The following GPR39 variants were observed in gnomAD, a reference collection of about 807,000 sequenced individuals.
The protein encoded by GPR39 is G protein-coupled receptor 39, also known as zinc sensing receptor.
GPR39 carries 23 observed loss-of-function variants against 18.4 expected under a neutral mutation model. The observed-to-expected ratio is 1.25, with a 90% CI of 0.90 to 1.77. GPR39 has a LOEUF of 1.77. GPR39 is among the 40% of genes most tolerant of loss of function. The pLI, the probability that GPR39 is intolerant of heterozygous loss-of-function variation, is 0.00. For synonymous variants in GPR39, 280 were observed against 257.9 expected (o/e 1.09, Z -0.82); for missense variants, 647 against 602.4 (o/e 1.07, Z -0.78).
intron 1 of GPR39, among the ~76,000 whole-genome samples, chr2:132,593,564 C>T (rs1255527272): frequency 1.3e-5 from 2 of 152,170 alleles, no homozygotes; most frequent in Non-Finnish European, 2.9e-5. Context: ...AAGTTCTTTA[C>T]TACACATAGG....
chr2:132,596,743 C>T (rs1164099307), intron 1 of GPR39, among the ~76,000 whole-genome samples: 2 of 152,122 alleles, frequency 1.3e-5, no homozygotes, highest in Non-Finnish European at 2.9e-5. Context: ...TTATATCACC[C>T]GAGAAGTTTT....
At chr2:132,483,011 G>A (rs146994012) in intron 1 of GPR39, among the ~76,000 whole-genome samples, 356 of 152,284 alleles carry the variant, frequency 2.3e-3, no homozygotes, top group Non-Finnish European at 4.0e-3. Context: ...GCACGGACCT[G>A]AGAGCCAGAT....
intron 1 of GPR39, among the ~76,000 whole-genome samples, chr2:132,565,858 C>T (rs925898555): frequency 1.3e-5 from 2 of 151,274 alleles, no homozygotes; most frequent in East Asian, 1.9e-4. Context: ...CTGCAATAAA[C>T]ATACATGTGC....
intron 1 of GPR39, among the ~76,000 whole-genome samples, chr2:132,507,091 T>C (rs1312537977): frequency 6.6e-6 from 1 of 152,162 alleles, no homozygotes; most frequent in Non-Finnish European, 1.5e-5. Flanking sequence ...GCCGTTATGA[T>C]CCAATCACCT....
In GPR39 at chr2:132,475,267, A is replaced by G. The variant is rs190634847; in HGVS notation, c.856+57369A>G. On this transcript the variant is annotated intron_variant, in intron 1 of 1. Transcript: ENST00000329321. ...TGCATGCTTGTTCATGAACACTGCTAGTATGTGTTAGCAAAGTTCTACAGT... is the reference window on the plus strand; with the variant it reads ...TGCATGCTTGTTCATGAACACTGCTGGTATGTGTTAGCAAAGTTCTACAGT... Among the ~76,000 whole-genome samples, 17 of 151,486 alleles carry G rather than the reference A, an allele frequency of 1.1e-4. No individual in the cohort carries two copies. The East Asian group carries it at 3.3e-3, about 29-fold the overall frequency.
At chr2:132,596,841 G>C (rs569926345) in intron 1 of GPR39, among the ~76,000 whole-genome samples, 3 of 152,306 alleles carry the variant, frequency 2.0e-5, no homozygotes, top group East Asian at 3.9e-4. Context: ...TTTCTAAAAA[G>C]ATCCCCTGTT....
At chr2:132,604,561 T>C (rs953241690) in intron 1 of GPR39, 1 of 152,232 alleles carries the variant, frequency 6.6e-6, no homozygotes, top group Non-Finnish European at 1.5e-5. Context: ...GACTTGTCTC[T>C]TGAGAGGTCT....
chr2:132,521,210 G>C (rs2104766890), intron 1 of GPR39, among the ~76,000 whole-genome samples: 1 of 152,304 alleles, frequency 6.6e-6, no homozygotes, highest in East Asian at 1.9e-4. Flanking sequence ...CTCTGCTTGT[G>C]CCTCGGTCAC....
chr2:132,419,258 TC>T (rs1679965084), intron 1 of GPR39, among the ~76,000 whole-genome samples: 25 of 152,244 alleles, frequency 1.6e-4, no homozygotes, highest in Admixed American at 1.6e-3. Context: ...TGGATGCTAC[TC>T]TGCATTAGGG....
chr2:132,594,144 C>A (rs1309700647), intron 1 of GPR39, among the ~76,000 whole-genome samples: 1 of 152,150 alleles, frequency 6.6e-6, no homozygotes, highest in East Asian at 1.9e-4. Flanking sequence ...TACCTTATCA[C>A]TGGGGGACCC....
At chr2:132,552,903 CACACACATATATAT>C (rs1680073260) in intron 1 of GPR39, among the ~76,000 whole-genome samples, 1 of 90,010 alleles carries the variant, frequency 1.1e-5, no homozygotes. Context: ...TATATATATA[CACACACATATATAT>C]ACACACACAC....
Position 132,623,591 on chromosome 2 carries a change from C to A in GPR39, c.857-21510C>A, listed in dbSNP as rs181687651. The stretch of plus-strand genomic sequence containing the variant: ...GCAAAAATGACTCAGCATTCAGAGC[C>A]CCAGTCCGGAAACCTGGCTCCTCAC... On this transcript the variant is annotated intron_variant, in intron 1 of 1. Coordinates refer to ENST00000329321, the MANE Select transcript of GPR39 (RefSeq NM_001508.3). 5.0e-4 allele frequency among the ~76,000 whole-genome samples: 76 copies of A among 152,286 alleles called. No individual in the cohort carries two copies. In the South Asian group the frequency reaches 7.9e-3, roughly 16 times the overall value.
chr2:132,490,353 T>C (rs1681432753), intron 1 of GPR39, among the ~76,000 whole-genome samples: 1 of 151,970 alleles, frequency 6.6e-6, no homozygotes, highest in Non-Finnish European at 1.5e-5. Context: ...AAATCCAGTT[T>C]TCTTTTTTTC....
At chr2:132,623,967 C>T (rs115825271) in intron 1 of GPR39, among the ~76,000 whole-genome samples, 285 of 152,246 alleles carry the variant, frequency 1.9e-3, no homozygotes, top group African/African-American at 6.7e-3. Context: ...GATCCTTCTG[C>T]CTCCCTGGAA....
intron 1 of GPR39, among the ~76,000 whole-genome samples, chr2:132,612,117 A>G (rs1308171264): frequency 6.6e-6 from 1 of 152,154 alleles, no homozygotes; most frequent in Non-Finnish European, 1.5e-5. Context: ...TTAAGTTCTA[A>G]ACGCTCAGGC....
intron 1 of GPR39, among the ~76,000 whole-genome samples, chr2:132,564,493 C>T (rs552611975): frequency 6.3e-4 from 96 of 152,308 alleles, no homozygotes; most frequent in African/African-American, 2.3e-3. Flanking sequence ...ATCAACATGT[C>T]CAACCTGAGT....
chr2:132,596,820 C>T (rs144217696), intron 1 of GPR39, among the ~76,000 whole-genome samples: 20 of 152,316 alleles, frequency 1.3e-4, no homozygotes, highest in East Asian at 7.7e-4. Context: ...AATGGAACTT[C>T]GGTAGAAATG....
At chr2:132,466,002 G>C (rs779073629) in intron 1 of GPR39, among the ~76,000 whole-genome samples, 1 of 152,140 alleles carries the variant, frequency 6.6e-6, no homozygotes, top group Non-Finnish European at 1.5e-5. Flanking sequence ...TTTATAATGA[G>C]AAAAAAGAGG....
At chr2:132,522,380 T>C (rs758554103) in intron 1 of GPR39, among the ~76,000 whole-genome samples, 1 of 152,204 alleles carries the variant, frequency 6.6e-6, no homozygotes, top group Non-Finnish European at 1.5e-5. Context: ...TAGACATCAA[T>C]AGATGCAGGA....
Sources: allele counts gnomAD v4.1 joint callset (sites outside exome capture counted in the v4.1 genomes callset), GRCh38; gene constraint gnomAD v4.1.1; transcripts MANE v1.5; gene names NCBI Gene and HGNC (gene_info 2026-07-23, HGNC 2026-07-21).